EMILIN2: variants seen among roughly 807,000 people sequenced by gnomAD.
EMILIN2 encodes elastin microfibril interfacer 2.
A neutral mutation model predicts 87.1 loss-of-function variants in EMILIN2; 71 were observed. The observed-to-expected ratio is 0.82, with a 90% CI of 0.67 to 0.99. The LOEUF is 0.99. Ranked by LOEUF, EMILIN2 falls within the 50% of genes least tolerant of loss-of-function variation. The pLI is 0.00. For synonymous variants in EMILIN2, 581 were observed against 563.4 expected (o/e 1.03, Z -0.44); for missense variants, 1,407 against 1,371.8 (o/e 1.03, Z -0.40).
chr18:2,905,708 T>C (rs2076907398), intron 4 of EMILIN2, among the ~76,000 whole-genome samples: 1 of 151,854 alleles, frequency 6.6e-6, no homozygotes, highest in African/African-American at 2.4e-5. Flanking sequence ...GTTCAAGTGA[T>C]TCTCCTGCCT....
intron 2 of EMILIN2, among the ~76,000 whole-genome samples, chr18:2,855,082 G>C (rs1304144142): frequency 6.6e-6 from 1 of 152,216 alleles, no homozygotes; most frequent in Non-Finnish European, 1.5e-5. Context: ...TCCTGCACGG[G>C]AGGGCTGGAA....
At chr18:2,876,661 G>A (rs112236111) in intron 2 of EMILIN2, among the ~76,000 whole-genome samples, 17,745 of 148,994 alleles carry the variant, frequency 0.12, 1,235 homozygotes, top group Middle Eastern at 0.2. Flanking sequence ...AGCTACTCGG[G>A]AGGCTGAGGC....
At chr18:2,907,277 C>G (rs2076919303) in intron 5 of EMILIN2, among the ~76,000 whole-genome samples, 192 bp downstream of exon 5, 1 of 152,192 alleles carries the variant, frequency 6.6e-6, no homozygotes, top group Non-Finnish European at 1.5e-5. Context: ...GGCCGGGGCA[C>G]CTCAGGGACA....
intron 2 of EMILIN2, among the ~76,000 whole-genome samples, chr18:2,850,442 G>C (rs1158386693): frequency 2.0e-5 from 3 of 151,872 alleles, no homozygotes; most frequent in Non-Finnish European, 4.4e-5. Flanking sequence ...GTCTCACTGT[G>C]TCACCCAGGC....
At chr18:2,871,751 TTCA>T (rs1360680128) in intron 2 of EMILIN2, among the ~76,000 whole-genome samples, 1 of 152,246 alleles carries the variant, frequency 6.6e-6, no homozygotes, top group African/African-American at 2.4e-5. Flanking sequence ...GACCTCATTA[TTCA>T]TCACCTGATT....
At chr18:2,854,853 G>A (rs2076619306) in intron 2 of EMILIN2, among the ~76,000 whole-genome samples, 1 of 152,108 alleles carries the variant, frequency 6.6e-6, no homozygotes. Context: ...AGAAAATGAG[G>A]GCTTACATCT....
In EMILIN2 at chr18:2,847,452, C is replaced by G. The variant is rs970707124; in HGVS notation, c.134+130C>G. On this transcript the variant is annotated intron_variant, in intron 1 of 7. Coordinates refer to ENST00000254528, the MANE Select transcript of EMILIN2 (RefSeq NM_032048.3). The surrounding 1 kb of genome is among the most constrained non-coding windows in gnomAD (Gnocchi z 4.5). ...CTCCCTTGGACTTCCCCGGGCGGCT[C>G]CCTCTGCGGGGGACCGCGCGCTCCG... 4.4e-5 allele frequency: 48 copies of G among 1,100,856 alleles called. No individual in the cohort carries two copies. Among genetic ancestry groups the G allele is most frequent in the Admixed American group, 2.6e-4 (6 of 23,252 alleles). The allele number at this position is 1,100,856 out of a possible 1,614,324, so 68.2% of individuals were successfully genotyped here. A position where few individuals can be genotyped will look rare whatever the true frequency, so the allele number is the denominator to read the frequency against.
chr18:2,891,440 T>C lies in EMILIN2; in HGVS notation c.1313T>C (p.Ile438Thr). Residue 438 changes from isoleucine (I) to threonine (T), a missense_variant, in exon 4 of 8, where the codon ATA becomes ACA. Physicochemically the swap from Ile to Thr is moderately conservative, Grantham distance 89. Transcript: ENST00000254528. This position sits in a 1 kb window ranked among gnomAD's most constrained non-coding sequence, Gnocchi z 4.6. ...GRLDNEFDRLIVPEPDVDFDA... is the reference protein window; with the variant it reads ...GRLDNEFDRLTVPEPDVDFDA... ...CTGGACAATGAGTTTGACCGCCTTA[T>C]AGTTCCAGAGCCAGATGTGGATTTT... is the stretch of plus-strand genomic sequence containing the variant. 1 of 1,614,204 alleles carries C rather than the reference T, an allele frequency of 6.2e-7. No homozygotes were observed.
Position 2,848,606 on chromosome 18 carries a change from A to C in EMILIN2, c.257+675A>C, listed in dbSNP as rs2076588406. On this transcript the variant is annotated intron_variant, in intron 2 of 7. Coordinates refer to ENST00000254528, the MANE Select transcript of EMILIN2 (RefSeq NM_032048.3). The surrounding 1 kb of genome is among the most constrained non-coding windows in gnomAD (Gnocchi z 4.1). ...ATTTCCCCATCTTAAAAAAAAAAAA[A>C]AACAGGAAGCAATGCAATAAAGTAC... Among the ~76,000 whole-genome samples the C allele has an allele frequency of 2.0e-5, 3 of 151,922 alleles. No individual in the cohort carries two copies. Among genetic ancestry groups the C allele is most frequent in the Admixed American group, 2.0e-4 (3 of 15,252 alleles).
Position 2,858,577 on chromosome 18 carries a change from GTGTGTGTATATATATATATATATA to G in EMILIN2, c.257+10652_257+10675del, listed in dbSNP as rs1313828604. ...TATATATATATATATATATGTGTGT[GTGTGTGTATATATATATATATATA>G]TGTGTATATATATATATGTTCCACA... On this transcript the variant is annotated intron_variant, in intron 2 of 7. Coordinates refer to ENST00000254528, the MANE Select transcript of EMILIN2 (RefSeq NM_032048.3). 2.2e-4 allele frequency among the ~76,000 whole-genome samples: 14 copies of G among 64,922 alleles called. No individual in the cohort carries two copies. The South Asian group carries it at 2.9e-3, about 13-fold the overall frequency. The allele number at this position is 64,922 out of a possible 152,430, so 42.6% of individuals were successfully genotyped here. A position where few individuals can be genotyped will look rare whatever the true frequency, so the allele number is the denominator to read the frequency against.
At chr18:2,857,069 G>A (rs540234532) in intron 2 of EMILIN2, among the ~76,000 whole-genome samples, 1 of 152,300 alleles carries the variant, frequency 6.6e-6, no homozygotes, top group South Asian at 2.1e-4. Context: ...CACTTAGAAG[G>A]ACCCAGAAGG....
intron 2 of EMILIN2, among the ~76,000 whole-genome samples, chr18:2,873,619 A>G (rs1351208289): frequency 1.3e-5 from 2 of 151,752 alleles, no homozygotes; most frequent in African/African-American, 2.4e-5. Flanking sequence ...AGGCAGGAGA[A>G]TGGCGTGAAC....
rs2144016729 is a variant in EMILIN2 at position 2,880,576 on chromosome 18, G to T, written c.258-4388G>T. Among the ~76,000 whole-genome samples, 1 of 152,320 alleles carries T rather than the reference G, an allele frequency of 6.6e-6. No homozygotes were observed. Among genetic ancestry groups the T allele is most frequent in the Non-Finnish European group, 1.5e-5 (1 of 68,012 alleles). On this transcript the variant is annotated intron_variant, in intron 2 of 7. Transcript: ENST00000254528. This position sits in a 1 kb window ranked among gnomAD's most constrained non-coding sequence, Gnocchi z 4.1. ...CACAGTCACAGCCGAGGCTGGGAAG[G>T]GAGCCAGGGCTGCAGCCGAGTCCGC... is the stretch of plus-strand genomic sequence containing the variant.
intron 4 of EMILIN2, among the ~76,000 whole-genome samples, chr18:2,896,170 A>G (rs536395407): frequency 6.6e-6 from 1 of 152,086 alleles, no homozygotes; most frequent in East Asian, 1.9e-4. Flanking sequence ...TATAATGAAT[A>G]AATAAATATA....
chr18:2,909,964 C>T, intron 7 of EMILIN2, 145 bp downstream of exon 7: 1 of 1,102,184 alleles, frequency 9.1e-7, no homozygotes, highest in East Asian at 2.6e-5. Flanking sequence ...TGGGCCTGCA[C>T]TCCTCTGCCC....
At position 2,891,993 on chromosome 18, in the gene EMILIN2, G is replaced by C; in HGVS notation, c.1866G>C (p.Val622=). 1.2e-6 allele frequency: 2 copies of C among 1,614,218 alleles called. No homozygotes were observed. Among genetic ancestry groups the C allele is most frequent in the Non-Finnish European group, 1.7e-6 (2 of 1,180,054 alleles). The change falls in exon 4 of 8, where the codon GTG becomes GTC. Residue 622 remains valine (V), a synonymous_variant. Transcript: ENST00000254528. The surrounding 1 kb of genome is among the most constrained non-coding windows in gnomAD (Gnocchi z 4.6). ...AATTAAACCACACAGAAAATGATGT[G>C]ACTCATCTTCAAAAGGAAATGAGCA... ...YSQLNHTEND[V]THLQKEMSNC...
chr18:2,888,581 G>C (rs563656067), intron 3 of EMILIN2, among the ~76,000 whole-genome samples: 1 of 151,954 alleles, frequency 6.6e-6, no homozygotes, highest in African/African-American at 2.4e-5. Flanking sequence ...CGGGCATGGT[G>C]GTGGGCACCT....
At chr18:2,909,533 C>G (rs73936858) in intron 6 of EMILIN2, among the ~76,000 whole-genome samples, 158 bp from the exon 7 acceptor site, 2,890 of 152,336 alleles carry the variant, frequency 0.019, 82 homozygotes, top group African/African-American at 0.065. Flanking sequence ...GACAGGGAAC[C>G]CTCTGGCTGT....
Position 2,871,638 on chromosome 18 carries a change from G to A in EMILIN2, c.258-13326G>A, listed in dbSNP as rs79064612. On this transcript the variant is annotated intron_variant, in intron 2 of 7. Transcript: ENST00000254528. ...GGGATCTGTGTGCTCCTCTGTTGAG[G>A]GTATTGCTAGAAAGGACCACGTGTT... Among the ~76,000 whole-genome samples, 645 of 152,290 alleles carry A rather than the reference G, an allele frequency of 4.2e-3. 6 individuals are homozygous for A. Among genetic ancestry groups the A allele is most frequent in the African/African-American group, 0.015 (624 of 41,558 alleles).
Sources: allele counts gnomAD v4.1 joint callset (sites outside exome capture counted in the v4.1 genomes callset), GRCh38; gene constraint gnomAD v4.1.1; non-coding constraint Gnocchi (gnomAD v3.1); transcripts MANE v1.5; gene names NCBI Gene and HGNC (gene_info 2026-07-23, HGNC 2026-07-21).